The following SLC30A6 variants were observed in gnomAD, a reference collection of about 807,000 sequenced individuals.
SLC30A6 encodes the protein solute carrier family 30 member 6, also known as zinc transporter 6.
SLC30A6 carries 55 observed loss-of-function variants against 63.0 expected under a neutral mutation model. The observed-to-expected ratio is 0.87, with a 90% CI of 0.70 to 1.09. SLC30A6 has a LOEUF of 1.09. Among genes scored for constraint, SLC30A6 ranks in the 50% least tolerant of loss-of-function variants. The pLI, the probability that SLC30A6 is intolerant of heterozygous loss-of-function variation, is 0.00. For missense variants in SLC30A6, 587 were observed against 549.2 expected (o/e 1.07, Z -0.69); for synonymous variants, 224 against 186.1 (o/e 1.20, Z -1.66).
chr2:32,209,679 A>T, intron 13 of SLC30A6, 118 bp downstream of exon 13: 1 of 805,128 alleles, frequency 1.2e-6, no homozygotes, highest in Non-Finnish European at 1.9e-6. Context: ...AGTTATGTTA[A>T]GCAGAGTCTA....
intron 10 of SLC30A6, among the ~76,000 whole-genome samples, chr2:32,198,622 T>G (rs1270963531): frequency 6.6e-6 from 1 of 152,210 alleles, no homozygotes. Context: ...TCGCTCTTGG[T>G]GCCCAGGCTG....
At chr2:32,198,841 C>T (rs1684023489) in intron 10 of SLC30A6, among the ~76,000 whole-genome samples, 1 of 152,202 alleles carries the variant, frequency 6.6e-6, no homozygotes, top group African/African-American at 2.4e-5. Context: ...GCCTCGGTGG[C>T]TCATGACTGT....
chr2:32,207,080 T>C, intron 12 of SLC30A6, 147 bp downstream of exon 12: 2 of 613,436 alleles, frequency 3.3e-6, no homozygotes, highest in Non-Finnish European at 5.7e-6. Flanking sequence ...AGCCATAATA[T>C]AGTGGCAAAC....
chr2:32,190,841 G>A (rs567801859), intron 5 of SLC30A6, among the ~76,000 whole-genome samples: 146 of 152,292 alleles, frequency 9.6e-4, no homozygotes, highest in African/African-American at 3.3e-3. Context: ...AGCCAGGCTG[G>A]TCTTGAACTG....
chr2:32,202,917 CAG>C (rs1327514021), intron 10 of SLC30A6: 1 of 1,093,780 alleles, frequency 9.1e-7, no homozygotes, highest in African/African-American at 1.5e-5. Flanking sequence ...TCATTGGTCT[CAG>C]AGGCCAGCAG....
At chr2:32,208,729 G>A (rs994635231) in intron 12 of SLC30A6, among the ~76,000 whole-genome samples, 1 of 151,804 alleles carries the variant, frequency 6.6e-6, no homozygotes, top group Non-Finnish European at 1.5e-5. Flanking sequence ...GGCCTGGCTG[G>A]ACTCGAACTC....
At chr2:32,208,836 C>G (rs1001559140) in intron 12 of SLC30A6, among the ~76,000 whole-genome samples, 1 of 152,142 alleles carries the variant, frequency 6.6e-6, no homozygotes, top group African/African-American at 2.4e-5. Context: ...TAAGTTGTTA[C>G]AAATTTCCAC....
chr2:32,203,772 A>C, intron 10 of SLC30A6: 1 of 1,499,344 alleles, frequency 6.7e-7, no homozygotes, highest in Non-Finnish European at 9.3e-7. Context: ...TCTCAGTGCC[A>C]GCCAAATTAC....
rs955262377 is a variant in SLC30A6 at position 32,224,163 on chromosome 2, G to A, written c.*3450G>A. 3 of 218,140 alleles carry A rather than the reference G, an allele frequency of 1.4e-5. No homozygotes were observed. The highest frequency in any genetic ancestry group is 1.6e-4 in the South Asian group (1 of 6,110). 13.5% of individuals were successfully genotyped at this position (218,140 alleles called of 1,614,324 possible). On this transcript the variant is annotated 3_prime_UTR_variant, in exon 14 of 14. Transcript: ENST00000282587. ...ATTAATAATTTATCTCATATTCAGC[G>A]AATATTTATTGAGAATATTGTTGAG...
chr2:32,204,555 TA>T, intron 10 of SLC30A6, 34 bp from the exon 11 acceptor site: 1 of 1,461,526 alleles, frequency 6.8e-7, no homozygotes. Flanking sequence ...CAGTGAGATA[TA>T]AATTTAAAAT....
chr2:32,183,984 T>C (rs1352241915), intron 4 of SLC30A6, among the ~76,000 whole-genome samples: 1 of 152,204 alleles, frequency 6.6e-6, no homozygotes. Flanking sequence ...CATTGTGTAG[T>C]GGAAGTATGA....
chr2:32,219,426 T>TACTTGG (rs1395268299), intron 13 of SLC30A6, among the ~76,000 whole-genome samples: 5 of 151,914 alleles, frequency 3.3e-5, no homozygotes, highest in African/African-American at 1.2e-4. Flanking sequence ...CCCCCTGAAA[T>TACTTGG]ACTTGGACTT....
At chr2:32,167,332 C>T (rs986305702) in intron 1 of SLC30A6, among the ~76,000 whole-genome samples, 1 of 139,600 alleles carries the variant, frequency 7.2e-6, no homozygotes, top group Non-Finnish European at 1.6e-5. Flanking sequence ...GCCTCTGCCT[C>T]CCAAAGTGCT....
At chr2:32,178,247 A>G (rs1039466930) in intron 4 of SLC30A6, among the ~76,000 whole-genome samples, 12 of 151,408 alleles carry the variant, frequency 7.9e-5, no homozygotes, top group Non-Finnish European at 1.5e-4. Context: ...GCACCCGGCC[A>G]AGTTATTTTT....
At chr2:32,196,099 G>A (rs1409128390) in intron 8 of SLC30A6, among the ~76,000 whole-genome samples, 1 of 152,174 alleles carries the variant, frequency 6.6e-6, no homozygotes, top group Non-Finnish European at 1.5e-5. Flanking sequence ...CGGATCACAA[G>A]GTCAGCAGTT....
Position 32,192,429 on chromosome 2 carries a change from AGG to A in SLC30A6, c.365+14_365+15del. 6.2e-7 allele frequency: 1 copy of A among 1,607,238 alleles called. No individual in the cohort carries two copies. Among genetic ancestry groups the A allele is most frequent in the Non-Finnish European group, 8.5e-7 (1 of 1,174,094 alleles). On this transcript the variant is annotated intron_variant, in intron 6 of 13. Transcript: ENST00000282587. ...TATTAAAAGAAAGGTACATTTGTAT[AGG>A]ATATTATTCTAAATCCCCCCATGAC... is the stretch of plus-strand genomic sequence containing the variant.
intron 5 of SLC30A6, among the ~76,000 whole-genome samples, chr2:32,188,271 C>T (rs116260491): frequency 6.4e-4 from 97 of 152,290 alleles, no homozygotes; most frequent in African/African-American, 2.2e-3. Context: ...TGCTAATTTC[C>T]ATTAAGTGAC....
At position 32,184,274 on chromosome 2, in the gene SLC30A6, T is replaced by G; in HGVS notation, c.220T>G (p.Leu74Val). 6.6e-7 allele frequency: 1 copy of G among 1,522,416 alleles called. No homozygotes were observed. Among genetic ancestry groups the G allele is most frequent in the East Asian group, 2.3e-5 (1 of 43,004 alleles). 94.3% of individuals were successfully genotyped at this position (1,522,416 alleles called of 1,614,324 possible). A position where few individuals can be genotyped will look rare whatever the true frequency, so the allele number is the denominator to read the frequency against. Reference sequence around the variant, plus strand: ...AAATTTATTTTTCTTTTTACTTAGTTTAATGACATGTTTAATAAGTTACTG... The same window carrying G: ...AAATTTATTTTTCTTTTTACTTAGTGTAATGACATGTTTAATAAGTTACTG... ...TYLTIFDLFSLMTCLISYWVT... is the reference protein window; with the variant it reads ...TYLTIFDLFSVMTCLISYWVT... The change falls in exon 5 of 14, where the codon TTA (leucine) becomes GTA (valine). Residue 74 changes from leucine (L) to valine (V), a missense_variant and splice_region_variant. Physicochemically the swap from Leu to Val is conservative, Grantham distance 32. Coordinates refer to ENST00000282587, the MANE Select transcript of SLC30A6 (RefSeq NM_017964.5).
At position 32,192,371 on chromosome 2, in the gene SLC30A6, C is replaced by G. The variant is rs1178115644; in HGVS notation, c.320C>G (p.Ser107Cys). 5 of 1,613,904 alleles carry G rather than the reference C, an allele frequency of 3.1e-6. No homozygotes were observed. Among genetic ancestry groups the G allele is most frequent in the Non-Finnish European group, 4.2e-6 (5 of 1,179,956 alleles). ...TTAGAAGTCCTGGCTGTATTTGCCT[C>G]CACAGTCTTGGCACAGTTGGGAGCT... is the stretch of plus-strand genomic sequence containing the variant. ...ERLEVLAVFA[S>C]TVLAQLGALF... The change falls in exon 6 of 14, where the codon TCC becomes TGC. Residue 107 changes from serine to cysteine, a missense_variant. Transcript: ENST00000282587.
Sources: allele counts gnomAD v4.1 joint callset (sites outside exome capture counted in the v4.1 genomes callset), GRCh38; gene constraint gnomAD v4.1.1; transcripts MANE v1.5; gene names NCBI Gene and HGNC (gene_info 2026-07-23, HGNC 2026-07-21).